CD300LB: variants seen among roughly 807,000 people sequenced by gnomAD.
The protein encoded by CD300LB is CMRF35-like molecule 7.
CD300LB carries 18 observed loss-of-function variants against 20.8 expected under a neutral mutation model. The observed-to-expected ratio is 0.87, with a 90% CI of 0.60 to 1.28. The LOEUF is 1.28. Ranked by LOEUF, CD300LB falls within the 50% of genes most tolerant of loss-of-function variation. CD300LB has a pLI of 0.00. For missense variants in CD300LB, 222 were observed against 251.8 expected, an observed-to-expected ratio of 0.88 and a Z score of 0.80; for synonymous variants, 91 against 91.3, an observed-to-expected ratio of 1.00 and a Z score of 0.02.
At position 74,521,821 on chromosome 17, in the gene CD300LB, T is replaced by C. The variant is rs1907888705; in HGVS notation, c.*917A>G. The C allele has an allele frequency of 1.0e-6, 1 of 985,366 alleles. No homozygotes were observed. Among genetic ancestry groups the C allele is most frequent in the African/African-American group, 1.7e-5 (1 of 57,220 alleles). The allele number at this position is 985,366 out of a possible 1,614,324, so 61.0% of individuals were successfully genotyped here. On this transcript the variant is annotated 3_prime_UTR_variant, in exon 4 of 4. Transcript: ENST00000392621. ...AAAGTGACCACATTCAAGGGCCTCA[T>C]CGCCGTGGGTGAAGCCTGTGAGGAG...
At chr17:74,524,173 A>G (rs1907964507) in intron 2 of CD300LB, among the ~76,000 whole-genome samples, 1 of 152,236 alleles carries the variant, frequency 6.6e-6, no homozygotes, top group Non-Finnish European at 1.5e-5. Flanking sequence ...AGGAGCAACC[A>G]TATAGGCAAT....
At chr17:74,530,738 C>G (rs1295415054) in intron 1 of CD300LB, among the ~76,000 whole-genome samples, 1 of 152,152 alleles carries the variant, frequency 6.6e-6, no homozygotes, top group Non-Finnish European at 1.5e-5. Context: ...CCACCAATGC[C>G]TTATTGTGTC....
chr17:74,528,633 A>AG (rs1395460111), intron 1 of CD300LB, among the ~76,000 whole-genome samples: 4 of 134,880 alleles, frequency 3.0e-5, no homozygotes, highest in Admixed American at 1.4e-4. Context: ...GATGCTCCTC[A>AG]GTTTTTTTTT....
At position 74,531,423 on chromosome 17, in the gene CD300LB, G is replaced by A. The variant is rs1369323901; in HGVS notation, c.-73C>T. ...AAATGCAGATCCCAGATGCACTCTGGAAGTTCTGCCTGAGCTCTGGCTTGC... is the reference window on the plus strand; with the variant it reads ...AAATGCAGATCCCAGATGCACTCTGAAAGTTCTGCCTGAGCTCTGGCTTGC... On this transcript the variant is annotated 5_prime_UTR_variant, in exon 1 of 4. Coordinates refer to ENST00000392621, the MANE Select transcript of CD300LB (RefSeq NM_174892.4). The A allele has an allele frequency of 3.1e-6, 5 of 1,610,272 alleles. No homozygotes were observed. Among genetic ancestry groups the A allele is most frequent in the Middle Eastern group, 1.7e-4 (1 of 6,054 alleles).
At chr17:74,531,171 C>T (rs1260900458) in intron 1 of CD300LB, 140 bp downstream of exon 1, 3 of 962,858 alleles carry the variant, frequency 3.1e-6, no homozygotes, top group Non-Finnish European at 2.9e-6. Flanking sequence ...CCGAAGCACA[C>T]GATGTCAGTC....
In CD300LB at chr17:74,526,069, A is replaced by G. The variant is rs1402730888; in HGVS notation, c.49T>C (p.Ser17Pro). Residue 17 changes from serine (S) to proline (P), a missense_variant, in exon 2 of 4, where the codon TCC becomes CCC. Coordinates refer to ENST00000392621, the MANE Select transcript of CD300LB (RefSeq NM_174892.4). ...CTCACAGACTCTGGGCCTTGGATGG[A>G]GAAACAGCCTGGAAAACAGAATCCC... Reference protein sequence around the residue: ...LLLLSLSGCFSIQGPESVRAP... With the variant: ...LLLLSLSGCFPIQGPESVRAP... 1 of 1,612,498 alleles carries G rather than the reference A, an allele frequency of 6.2e-7. No individual in the cohort carries two copies. Among genetic ancestry groups the G allele is most frequent in the African/African-American group, 1.3e-5 (1 of 74,822 alleles).
chr17:74,530,623 C>A (rs535532095), intron 1 of CD300LB, among the ~76,000 whole-genome samples: 22 of 151,886 alleles, frequency 1.4e-4, no homozygotes, highest in African/African-American at 4.8e-4. Flanking sequence ...CCTCTCAGCT[C>A]TGCTCCAGAG....
Position 74,521,229 on chromosome 17 carries a change from A to T in CD300LB, c.*1509T>A. 1 of 299,022 alleles carries T rather than the reference A, an allele frequency of 3.3e-6. No individual in the cohort carries two copies. The allele number at this position is 299,022 out of a possible 1,614,324, so 18.5% of individuals were successfully genotyped here. ...CAACAGGAAGAAACGGTGGGAAAAG[A>T]ATGACATCACGTTGACAAGCGCCCA... is the stretch of plus-strand genomic sequence containing the variant. On this transcript the variant is annotated 3_prime_UTR_variant, in exon 4 of 4. Transcript: ENST00000392621.
Position 74,521,772 on chromosome 17 carries a change from G to C in CD300LB, c.*966C>G. On this transcript the variant is annotated 3_prime_UTR_variant, in exon 4 of 4. Coordinates refer to ENST00000392621, the MANE Select transcript of CD300LB (RefSeq NM_174892.4). The stretch of plus-strand genomic sequence containing the variant: ...TCACATGGGAAGGTCCCTTTGGTGT[G>C]AGGGTCCCTCAACCATACAGCACAA... The C allele has an allele frequency of 1.0e-6, 1 of 985,610 alleles. No homozygotes were observed. The highest frequency in any genetic ancestry group is 1.7e-5 in the African/African-American group (1 of 57,364). The allele number at this position is 985,610 out of a possible 1,614,324, so 61.1% of individuals were successfully genotyped here. A position where few individuals can be genotyped will look rare whatever the true frequency, so the allele number is the denominator to read the frequency against.
intron 2 of CD300LB, 29 bp downstream of exon 2, chr17:74,525,718 GC>G: frequency 6.3e-7 from 1 of 1,593,472 alleles, no homozygotes; most frequent in African/African-American, 1.3e-5. Flanking sequence ...GAGCTCCAGG[GC>G]CTCCTTGTGT....
intron 1 of CD300LB, 112 bp downstream of exon 1, chr17:74,531,199 G>A (rs532956059): frequency 8.1e-5 from 105 of 1,290,686 alleles, no homozygotes; most frequent in Admixed American, 1.2e-4. Context: ...CACCTTTGTC[G>A]AATGACTTCA....
intron 1 of CD300LB, among the ~76,000 whole-genome samples, chr17:74,526,294 C>T (rs1286823015): frequency 6.6e-6 from 1 of 152,250 alleles, no homozygotes; most frequent in Non-Finnish European, 1.5e-5. Flanking sequence ...GTCCATTCCC[C>T]CACCAGCTTC....
intron 1 of CD300LB, among the ~76,000 whole-genome samples, chr17:74,529,605 A>C (rs1908139504): frequency 6.6e-6 from 1 of 152,188 alleles, no homozygotes; most frequent in Non-Finnish European, 1.5e-5. Context: ...AACCTCACCA[A>C]CATGGTGAAA....
chr17:74,529,467 C>A (rs1490644191), intron 1 of CD300LB, among the ~76,000 whole-genome samples: 8 of 152,290 alleles, frequency 5.3e-5, no homozygotes, highest in Middle Eastern at 3.4e-3. Flanking sequence ...TCTCCTCCTC[C>A]TCATCAGCTG....
chr17:74,525,922 C>T lies in CD300LB; in HGVS notation c.196G>A (p.Gly66Arg), dbSNP rs535338624. 1.2e-6 allele frequency: 2 copies of T among 1,614,184 alleles called. No homozygotes were observed. The highest frequency in any genetic ancestry group is 2.2e-5 in the South Asian group (2 of 91,086). ...TCACTCTTCTCTCCTTGCTCCGACC[C>T]TCTGGTTTCAATGAGGATCTTGCAT... Reference protein sequence around the residue: ...DTCKILIETRGSEQGEKSDRV... With the variant: ...DTCKILIETRRSEQGEKSDRV... The change falls in exon 2 of 4, where the codon GGG becomes AGG. Residue 66 changes from glycine (G) to arginine (R), a missense_variant. Gly to Arg is a moderately radical substitution (Grantham distance 125, BLOSUM62 -2). Coordinates refer to ENST00000392621, the MANE Select transcript of CD300LB (RefSeq NM_174892.4).
rs1007985000 is a variant in CD300LB at position 74,531,373 on chromosome 17, G to A, written c.-23C>T. The A allele has an allele frequency of 4.3e-6, 7 of 1,612,710 alleles. No individual in the cohort carries two copies. The highest frequency in any genetic ancestry group is 5.9e-6 in the Non-Finnish European group (7 of 1,179,426). On this transcript the variant is annotated 5_prime_UTR_variant, in exon 1 of 4. The change creates a new upstream start codon in the 5' untranslated region. Coordinates refer to ENST00000392621, the MANE Select transcript of CD300LB (RefSeq NM_174892.4). ...CATGGCTCTGCCTTCCCGGCTCCTCGTCCGCCTGATCTGCAACCAGTGGCA... is the reference window on the plus strand; with the variant it reads ...CATGGCTCTGCCTTCCCGGCTCCTCATCCGCCTGATCTGCAACCAGTGGCA...
chr17:74,531,047 C>T (rs535304522), intron 1 of CD300LB, among the ~76,000 whole-genome samples: 84 of 152,330 alleles, frequency 5.5e-4, no homozygotes, highest in African/African-American at 1.8e-3. Flanking sequence ...TCAAGCAATC[C>T]TCCCACCTTG....
chr17:74,524,275 C>T (rs1907967276), intron 2 of CD300LB, among the ~76,000 whole-genome samples: 1 of 152,170 alleles, frequency 6.6e-6, no homozygotes, highest in Non-Finnish European at 1.5e-5. Flanking sequence ...CAGTCCTCGG[C>T]CCCAGCAAAT....
intron 2 of CD300LB, among the ~76,000 whole-genome samples, chr17:74,525,448 C>T (rs1215544133): frequency 6.6e-6 from 1 of 152,130 alleles, no homozygotes; most frequent in African/African-American, 2.4e-5. Flanking sequence ...ATGAGCAGGG[C>T]TGGGCCACCA....
Sources: gnomAD v4.1 joint callset for allele counts (sites outside exome capture counted in the v4.1 genomes callset) on GRCh38, gnomAD v4.1.1 for gene constraint, MANE v1.5 for transcripts, NCBI Gene and HGNC (gene_info 2026-07-23, HGNC 2026-07-21) for gene names.